Variants in SLAIN1 observed in about 807,000 individuals in gnomAD.
SLAIN1 encodes the protein SLAIN motif-containing protein 1.
A neutral mutation model predicts 55.4 loss-of-function variants in SLAIN1; 17 were observed. That is an observed-to-expected ratio of 0.31 (90% confidence interval 0.21 to 0.46). SLAIN1 has a LOEUF of 0.46. Ranked by LOEUF, SLAIN1 falls within the 20% of genes least tolerant of loss-of-function variation. The pLI is 1.00. For synonymous variants in SLAIN1, 348 were observed against 337.4 expected, an observed-to-expected ratio of 1.03 and a Z score of -0.35; for missense variants, 682 against 785.1, an observed-to-expected ratio of 0.87 and a Z score of 1.57.
chr13:77,743,214 TA>T, intron 2 of SLAIN1: 2 of 1,236,204 alleles, frequency 1.6e-6, no homozygotes, highest in South Asian at 2.6e-5. Context: ...ATTCAGTTAC[TA>T]AACACGGCTT....
At chr13:77,701,222 T>G (rs2091027651) in intron 1 of SLAIN1, among the ~76,000 whole-genome samples, 1 of 142,150 alleles carries the variant, frequency 7.0e-6, no homozygotes, top group Non-Finnish European at 1.5e-5. Context: ...CTTATTTATT[T>G]AGAATAGCAC....
At chr13:77,743,092 T>G (rs1873565556) in intron 2 of SLAIN1, 1 of 1,303,572 alleles carries the variant, frequency 7.7e-7, no homozygotes, top group Non-Finnish European at 1.0e-6. Context: ...GACTCAGCCC[T>G]TATAGCAATG....
At chr13:77,714,087 G>C (rs1296960) in intron 1 of SLAIN1, among the ~76,000 whole-genome samples, 3 of 151,932 alleles carry the variant, frequency 2.0e-5, no homozygotes, top group Non-Finnish European at 2.9e-5. Context: ...CAGTTGATGG[G>C]TGCAGCAAAC....
intron 1 of SLAIN1, among the ~76,000 whole-genome samples, chr13:77,715,965 T>A (rs1424667504): frequency 1.3e-5 from 2 of 152,154 alleles, no homozygotes; most frequent in South Asian, 2.1e-4. Context: ...ATTTTCAGTC[T>A]TATAAATTGT....
At chr13:77,760,653 T>G (rs1026855344) in intron 5 of SLAIN1, among the ~76,000 whole-genome samples, 175 bp from the exon 6 acceptor site, 1 of 152,178 alleles carries the variant, frequency 6.6e-6, no homozygotes, top group African/African-American at 2.4e-5. Flanking sequence ...CAGGAGATCT[T>G]TGTCAAGGAT....
At chr13:77,716,812 C>T (rs1017630794) in intron 1 of SLAIN1, among the ~76,000 whole-genome samples, 2 of 152,012 alleles carry the variant, frequency 1.3e-5, no homozygotes, top group African/African-American at 2.4e-5. Flanking sequence ...ATCATGTCAT[C>T]TGTGAATAAA....
intron 2 of SLAIN1, among the ~76,000 whole-genome samples, chr13:77,737,468 A>G (rs1174503223): frequency 6.6e-6 from 1 of 152,134 alleles, no homozygotes; most frequent in African/African-American, 2.4e-5. Flanking sequence ...TCATTAAAGT[A>G]TAAACTGTTC....
chr13:77,701,830 A>G (rs1025788854), intron 1 of SLAIN1, among the ~76,000 whole-genome samples: 3 of 150,698 alleles, frequency 2.0e-5, no homozygotes, highest in Admixed American at 6.6e-5. Flanking sequence ...GGTTAGTTAC[A>G]TATGTATACA....
At chr13:77,754,532 A>G (rs1264133684) in intron 5 of SLAIN1, among the ~76,000 whole-genome samples, 1 of 152,174 alleles carries the variant, frequency 6.6e-6, no homozygotes, top group East Asian at 1.9e-4. Context: ...TTTAACTGCT[A>G]TCATATTCTA....
At chr13:77,759,766 A>G (rs1371768171) in intron 5 of SLAIN1, among the ~76,000 whole-genome samples, 1 of 152,098 alleles carries the variant, frequency 6.6e-6, no homozygotes, top group Non-Finnish European at 1.5e-5. Flanking sequence ...ATGTTAAACC[A>G]TTTCTATATC....
At chr13:77,727,762 C>G (rs2091321767) in intron 2 of SLAIN1, among the ~76,000 whole-genome samples, 1 of 152,020 alleles carries the variant, frequency 6.6e-6, no homozygotes, top group African/African-American at 2.4e-5. Flanking sequence ...TAGGGCCTTG[C>G]CTAGTAAGTG....
At chr13:77,756,667 A>G (rs1198070121) in intron 5 of SLAIN1, among the ~76,000 whole-genome samples, 1 of 152,176 alleles carries the variant, frequency 6.6e-6, no homozygotes, top group Non-Finnish European at 1.5e-5. Flanking sequence ...AATTAGAAAT[A>G]ACCTAGCTTT....
intron 6 of SLAIN1, among the ~76,000 whole-genome samples, chr13:77,761,794 A>G (rs1039679870): frequency 3.9e-5 from 6 of 152,008 alleles, no homozygotes; most frequent in Admixed American, 6.6e-5. Context: ...GCTCTTGGTC[A>G]TGATGTTCCC....
chr13:77,744,365 T>C lies in SLAIN1; in HGVS notation c.849T>C (p.Ser283=), dbSNP rs950048796. The change falls in exon 3 of 7, where the codon TCT becomes TCC. Residue 283 remains serine, a synonymous_variant. Transcript: ENST00000418532. ...GTACTTCAGAATTGGAGGATGATTCTATCTCCATGGGATATAAATTACAGG... is the reference window on the plus strand; with the variant it reads ...GTACTTCAGAATTGGAGGATGATTCCATCTCCATGGGATATAAATTACAGG... ...ELSTSELEDD[S]ISMGYKLQDL... 5.6e-6 allele frequency: 9 copies of C among 1,612,768 alleles called. No homozygotes were observed. Among genetic ancestry groups the C allele is most frequent in the Non-Finnish European group, 5.1e-6 (6 of 1,179,254 alleles).
rs1420508411 is a variant in SLAIN1, at chr13:77,721,218, C to T, written c.766+1547C>T. Among the ~76,000 whole-genome samples, 109 of 152,132 alleles carry T rather than the reference C, an allele frequency of 7.2e-4. 2 individuals are homozygous for T. ...TGGTGTTAAGTGTGGCACTTCCTCG[C>T]TCTTTCACTTTCTCTCTCTCCTGCC... On this transcript the variant is annotated intron_variant, in intron 2 of 6. Coordinates refer to ENST00000418532, the MANE Select transcript of SLAIN1 (RefSeq NM_001242868.2).
At chr13:77,747,393 C>T (rs531773864) in intron 4 of SLAIN1, among the ~76,000 whole-genome samples, 1 of 152,268 alleles carries the variant, frequency 6.6e-6, no homozygotes, top group East Asian at 1.9e-4. Flanking sequence ...TCAAGAAAAC[C>T]TTCATGACAT....
chr13:77,725,377 C>A (rs1301279109), intron 2 of SLAIN1, among the ~76,000 whole-genome samples: 3 of 152,180 alleles, frequency 2.0e-5, no homozygotes, highest in Non-Finnish European at 2.9e-5. Context: ...AAATTCACAG[C>A]CATGAGTAGG....
In SLAIN1 at chr13:77,754,794, T is replaced by A. The variant is rs143097342; in HGVS notation, c.1414+1436T>A. 2.4e-3 allele frequency among the ~76,000 whole-genome samples: 371 copies of A among 152,326 alleles called. 3 individuals are homozygous for A. The highest frequency in any genetic ancestry group is 2.8e-3 in the Non-Finnish European group (190 of 68,026). On this transcript the variant is annotated intron_variant, in intron 5 of 6. Transcript: ENST00000418532. ...TATGTTTGTCTTCCTTACTAGATTGTAAGCTCCCTCTGGGCTTGGGCCATC... is the reference window on the plus strand; with the variant it reads ...TATGTTTGTCTTCCTTACTAGATTGAAAGCTCCCTCTGGGCTTGGGCCATC...
At chr13:77,746,453 T>A in intron 3 of SLAIN1, 61 bp from the exon 4 acceptor site, 1 of 1,390,174 alleles carries the variant, frequency 7.2e-7, no homozygotes, top group South Asian at 1.5e-5. Context: ...AATACTTGGT[T>A]AATTATAACT....
Sources: gnomAD v4.1 joint callset for allele counts (sites outside exome capture counted in the v4.1 genomes callset) on GRCh38, gnomAD v4.1.1 for gene constraint, MANE v1.5 for transcripts, NCBI Gene and HGNC (gene_info 2026-07-23, HGNC 2026-07-21) for gene names.